The following DGLUCY variants were observed in gnomAD, a reference collection of about 807,000 sequenced individuals.
DGLUCY encodes the protein D-glutamate cyclase.
DGLUCY carries 58 observed loss-of-function variants against 58.5 expected under a neutral mutation model. The ratio of observed to expected loss-of-function variants is 0.99; its 90% CI spans 0.80 to 1.23. The LOEUF is 1.23. Among genes scored for constraint, DGLUCY ranks in the 50% most tolerant of loss-of-function variants. The pLI is 0.00. For missense variants in DGLUCY, 779 were observed against 784.7 expected (o/e 0.99, Z 0.09); for synonymous variants, 325 against 314.1 (o/e 1.03, Z -0.37).
intron 1 of DGLUCY, among the ~76,000 whole-genome samples, chr14:91,145,619 G>C (rs1227634551): frequency 1.3e-5 from 2 of 152,106 alleles, no homozygotes; most frequent in East Asian, 3.9e-4. Flanking sequence ...TGTCCCAACT[G>C]TCACCACCAT....
intron 11 of DGLUCY, among the ~76,000 whole-genome samples, chr14:91,202,580 C>T (rs1415660195): frequency 1.3e-5 from 2 of 152,178 alleles, no homozygotes; most frequent in Non-Finnish European, 2.9e-5. Flanking sequence ...CTTCCAGCTT[C>T]CTGTTGGCTT....
chr14:91,170,731 C>G (rs147238663), intron 5 of DGLUCY, among the ~76,000 whole-genome samples: 4,307 of 152,276 alleles, frequency 0.028, 76 homozygotes, highest in South Asian at 0.038. Flanking sequence ...CTCCCAGCCC[C>G]TACTTGTCAA....
rs183229038 is a variant in DGLUCY at position 91,086,788 on chromosome 14, C to T, written c.-82+26084C>T. Among the ~76,000 whole-genome samples, 70 of 152,256 alleles carry T rather than the reference C, an allele frequency of 4.6e-4. No individual in the cohort carries two copies. The East Asian group carries it at 0.01, about 23-fold the overall frequency. On this transcript the variant is annotated intron_variant, in intron 1 of 4. Transcript: ENST00000521334. Reference sequence around the variant, plus strand: ...ATTAATTTTGAGACAGAGTTTCACTCTGTCACCCAGGCTAGAGTGCAATGG... The same window carrying T: ...ATTAATTTTGAGACAGAGTTTCACTTTGTCACCCAGGCTAGAGTGCAATGG...
At position 91,129,893 on chromosome 14, in the gene DGLUCY, C is replaced by T. The variant is rs185211355; in HGVS notation, c.-82+15610C>T. Among the ~76,000 whole-genome samples, 225 of 152,292 alleles carry T rather than the reference C, an allele frequency of 1.5e-3. 1 individual carries two copies. The highest frequency in any genetic ancestry group is 5.2e-3 in the African/African-American group (215 of 41,570). On this transcript the variant is annotated intron_variant, in intron 1 of 13. Coordinates refer to ENST00000256324, the MANE Select transcript of DGLUCY (RefSeq NM_001102368.3). ...AACTCCCGACCTCAGGTGATCCACC[C>T]GCCTTGGCCTCCCAAAGTGCTGGGA...
chr14:91,161,083 T>C (rs2047954405), intron 3 of DGLUCY, among the ~76,000 whole-genome samples: 1 of 152,244 alleles, frequency 6.6e-6, no homozygotes, highest in Admixed American at 6.5e-5. Context: ...TTGTTGTTGT[T>C]GAGACGTAGT....
chr14:91,078,525 C>A (rs1025454086), intron 1 of DGLUCY, among the ~76,000 whole-genome samples: 2 of 152,180 alleles, frequency 1.3e-5, no homozygotes, highest in African/African-American at 2.4e-5. Context: ...TCCATCCCCC[C>A]ACGCCTTCAT....
chr14:91,150,515 C>T (rs946471912), intron 1 of DGLUCY, among the ~76,000 whole-genome samples: 2 of 152,092 alleles, frequency 1.3e-5, no homozygotes, highest in African/African-American at 4.8e-5. Context: ...AATCGTGGCT[C>T]ACAGCAGTCT....
chr14:91,107,503 G>GC (rs2044612815), upstream of DGLUCY, among the ~76,000 whole-genome samples: 1 of 151,912 alleles, frequency 6.6e-6, no homozygotes, highest in Non-Finnish European at 1.5e-5. Flanking sequence ...GGGCAACAGA[G>GC]TGAGACTCCA....
chr14:91,182,545 G>T (rs531006791), intron 8 of DGLUCY, among the ~76,000 whole-genome samples: 3 of 149,854 alleles, frequency 2.0e-5, no homozygotes, highest in African/African-American at 7.4e-5. Context: ...TGATTTTCCC[G>T]CCTCGGCCTC....
chr14:91,144,762 A>G (rs1463149555), intron 1 of DGLUCY, among the ~76,000 whole-genome samples: 1 of 152,218 alleles, frequency 6.6e-6, no homozygotes, highest in Non-Finnish European at 1.5e-5. Context: ...CACAAAGATC[A>G]CAACAGGAAA....
At chr14:91,122,179 T>G (rs1268203852) in intron 1 of DGLUCY, among the ~76,000 whole-genome samples, 2 of 152,036 alleles carry the variant, frequency 1.3e-5, no homozygotes, top group Non-Finnish European at 2.9e-5. Flanking sequence ...TTTTTTTTTT[T>G]GAGACAGGGT....
At chr14:91,173,565 G>C in intron 6 of DGLUCY, 126 bp downstream of exon 6, 1 of 1,296,778 alleles carries the variant, frequency 7.7e-7, no homozygotes, top group East Asian at 2.6e-5. Context: ...TCTCGCTCCT[G>C]CCCATGATCC....
At chr14:91,209,953 G>A (rs1885407200) in intron 12 of DGLUCY, among the ~76,000 whole-genome samples, 1 of 152,026 alleles carries the variant, frequency 6.6e-6, no homozygotes, top group South Asian at 2.1e-4. Context: ...ATAAAGAGGG[G>A]GATTACATAA....
Position 91,181,292 on chromosome 14 carries a change from CCAT to C in DGLUCY, c.840_842del (p.His281del). The C allele has an allele frequency of 6.2e-7, 1 of 1,614,154 alleles. No individual in the cohort carries two copies. Among genetic ancestry groups the C allele is most frequent in the Non-Finnish European group, 8.5e-7 (1 of 1,180,000 alleles). On this transcript the variant is annotated inframe_deletion, in exon 8 of 14. Transcript: ENST00000256324. ...TCACCCCAGAGAGAATTCCAGAGGT[CCAT>C]CACATTTCCCAAGATCCTCTGCACT...
chr14:91,077,145 C>T (rs533909599), intron 1 of DGLUCY, among the ~76,000 whole-genome samples: 1 of 151,974 alleles, frequency 6.6e-6, no homozygotes, highest in South Asian at 2.1e-4. Context: ...ATTCAGGAGG[C>T]TGAGGTGTGA....
intron 1 of DGLUCY, among the ~76,000 whole-genome samples, chr14:91,102,126 T>G (rs1169863186): frequency 8.5e-5 from 13 of 152,208 alleles, no homozygotes; most frequent in Non-Finnish European, 1.5e-4. Context: ...TTATCACATA[T>G]GCCTCGAAAA....
chr14:91,173,219 C>G (rs2048669236), intron 5 of DGLUCY, 70 bp from the exon 6 acceptor site: 1 of 1,562,406 alleles, frequency 6.4e-7, no homozygotes, highest in Admixed American at 1.8e-5. Context: ...ACTCTTGGTG[C>G]TCAGAGCTTG....
chr14:91,208,290 A>G (rs1421596885), intron 12 of DGLUCY, among the ~76,000 whole-genome samples: 1 of 152,238 alleles, frequency 6.6e-6, no homozygotes. Context: ...GAAGAGTATC[A>G]GTGAATAAAA....
chr14:91,066,320 G>A (rs2043818769), intron 1 of DGLUCY, among the ~76,000 whole-genome samples: 1 of 149,688 alleles, frequency 6.7e-6, no homozygotes, highest in African/African-American at 2.5e-5. Flanking sequence ...AGAGGTTGCA[G>A]TGAGCTGAGA....
Sources: allele counts gnomAD v4.1 joint callset (sites outside exome capture counted in the v4.1 genomes callset), GRCh38; gene constraint gnomAD v4.1.1; transcripts MANE v1.5; gene names NCBI Gene and HGNC (gene_info 2026-07-23, HGNC 2026-07-21).